DGKB: variants seen among roughly 807,000 people sequenced by gnomAD.
The protein encoded by DGKB is diacylglycerol kinase beta, also known as 90 kDa diacylglycerol kinase.
A neutral mutation model predicts 114.3 loss-of-function variants in DGKB; 67 were observed. The ratio of observed to expected loss-of-function variants is 0.59; its 90% CI spans 0.48 to 0.72. DGKB has a LOEUF of 0.72. Ranked by LOEUF, DGKB falls within the 30% of genes least tolerant of loss-of-function variation. The pLI is 0.00. For synonymous variants in DGKB, 398 were observed against 323.1 expected (o/e 1.23, Z -2.49); for missense variants, 907 against 975.2 (o/e 0.93, Z 0.93).
intron 1 of DGKB, among the ~76,000 whole-genome samples, chr7:14,853,804 C>G (rs1849723921): frequency 7.0e-6 from 1 of 142,634 alleles, no homozygotes; most frequent in Admixed American, 7.7e-5. Context: ...CGAGGCGGAG[C>G]TTGCAGTGAG....
At chr7:14,827,467 A>T (rs1395209514) in intron 2 of DGKB, among the ~76,000 whole-genome samples, 1 of 151,786 alleles carries the variant, frequency 6.6e-6, no homozygotes, top group Non-Finnish European at 1.5e-5. Context: ...AGACAGACTA[A>T]CTACACGGAG....
At chr7:14,958,426 AACAC>A (rs754087921) in intron 1 of DGKB, among the ~76,000 whole-genome samples, 5,672 of 122,786 alleles carry the variant, frequency 0.046, 150 homozygotes, top group East Asian at 0.1. Flanking sequence ...TACCTCTCCC[AACAC>A]ACACACACAC....
At chr7:14,563,114 G>C (rs779425812) in intron 20 of DGKB, among the ~76,000 whole-genome samples, 2 of 152,120 alleles carry the variant, frequency 1.3e-5, no homozygotes, top group African/African-American at 4.8e-5. Context: ...TGCTGTACAC[G>C]CTCTCTTGCC....
At chr7:14,874,590 C>A (rs1202382002) in intron 1 of DGKB, among the ~76,000 whole-genome samples, 1 of 151,072 alleles carries the variant, frequency 6.6e-6, no homozygotes, top group African/African-American at 2.4e-5. Context: ...GAAGGATATA[C>A]ACACACACAC....
chr7:14,247,609 G>A (rs913556834), intron 23 of DGKB, among the ~76,000 whole-genome samples: 2 of 151,992 alleles, frequency 1.3e-5, no homozygotes, highest in African/African-American at 2.4e-5. Flanking sequence ...GTGATGTTGA[G>A]CATTTCTTCG....
chr7:14,733,750 G>GAAAGAAAGAAAGAAAGA (rs1554627742), intron 5 of DGKB, among the ~76,000 whole-genome samples: 4 of 6,584 alleles, frequency 6.1e-4, no homozygotes, highest in Non-Finnish European at 1.2e-3. Context: ...AAGAAATAAA[G>GAAAGAAAGAAAGAAAGA]AAGAAAGAAA....
chr7:14,148,539 A>AT lies in DGKB; in HGVS notation c.*591dup, dbSNP rs1256031566. On this transcript the variant is annotated 3_prime_UTR_variant, in exon 26 of 26. Coordinates refer to ENST00000402815, the MANE Select transcript of DGKB (RefSeq NM_001350709.2). ...CTATTTTTCAGCATGAGAAAACCTT[A>AT]TGCCTGATATTTTTATTTCCACTCA... The AT allele has an allele frequency of 6.6e-6, 1 of 152,506 alleles. No individual in the cohort carries two copies. The highest frequency in any genetic ancestry group is 1.5e-5 in the Non-Finnish European group (1 of 68,068). 9.4% of individuals were successfully genotyped at this position (152,506 alleles called of 1,614,324 possible). A position where few individuals can be genotyped will look rare whatever the true frequency, so the allele number is the denominator to read the frequency against.
intron 21 of DGKB, among the ~76,000 whole-genome samples, chr7:14,378,266 G>A (rs777495835): frequency 2.6e-5 from 4 of 152,072 alleles, no homozygotes; most frequent in Non-Finnish European, 4.4e-5. Context: ...TCTCTTTTGA[G>A]ATCCAGTCAT....
At chr7:14,470,873 G>T (rs531765823) in intron 21 of DGKB, among the ~76,000 whole-genome samples, 1 of 151,406 alleles carries the variant, frequency 6.6e-6, no homozygotes, top group African/African-American at 2.4e-5. Context: ...AATTGCTCTG[G>T]AACTTCAAAA....
intron 1 of DGKB, among the ~76,000 whole-genome samples, chr7:14,921,852 T>C (rs886367809): frequency 1.3e-5 from 2 of 152,176 alleles, no homozygotes; most frequent in African/African-American, 4.8e-5. Flanking sequence ...AGATACAATG[T>C]GATTAAATCT....
intron 1 of DGKB, among the ~76,000 whole-genome samples, chr7:14,896,408 C>T (rs1402582346): frequency 5.3e-5 from 8 of 151,308 alleles, no homozygotes; most frequent in East Asian, 3.9e-4. Flanking sequence ...TGGGGCACAA[C>T]GGTAAGTAAT....
intron 23 of DGKB, among the ~76,000 whole-genome samples, chr7:14,202,763 T>C (rs1786105887): frequency 6.6e-6 from 1 of 152,054 alleles, no homozygotes; most frequent in South Asian, 2.1e-4. Context: ...ACTGATCTGT[T>C]ACTGTAAGAT....
intron 17 of DGKB, among the ~76,000 whole-genome samples, chr7:14,587,402 G>A (rs190441564): frequency 5.9e-5 from 9 of 152,104 alleles, no homozygotes; most frequent in Admixed American, 3.9e-4. Flanking sequence ...AAAAAAAGAG[G>A]GTTTCTTGAA....
intron 2 of DGKB, among the ~76,000 whole-genome samples, chr7:14,777,568 TCTC>T (rs1170476360): frequency 9.2e-5 from 14 of 152,182 alleles, no homozygotes; most frequent in Non-Finnish European, 1.0e-4. Context: ...GCTCTGCACT[TCTC>T]CTTACTGCTG....
chr7:14,909,082 C>T (rs957639234), intron 1 of DGKB, among the ~76,000 whole-genome samples: 15 of 152,062 alleles, frequency 9.9e-5, no homozygotes, highest in Non-Finnish European at 1.3e-4. Flanking sequence ...CATTCTAAGC[C>T]TCAATTAAAT....
chr7:14,853,867 CAAAAAAAAAAAAA>C (rs56269565), intron 1 of DGKB, among the ~76,000 whole-genome samples: 1 of 104,018 alleles, frequency 9.6e-6, no homozygotes. Flanking sequence ...GACTCCGTCT[CAAAAAAAAAAAAA>C]AAAAAAAAAA....
At chr7:14,865,121 T>C (rs1008150226) in intron 1 of DGKB, among the ~76,000 whole-genome samples, 3 of 152,142 alleles carry the variant, frequency 2.0e-5, no homozygotes, top group African/African-American at 7.2e-5. Context: ...AGATGACCCA[T>C]GTAAATGTTA....
chr7:14,826,871 G>T (rs548750878), intron 2 of DGKB, among the ~76,000 whole-genome samples: 1 of 152,224 alleles, frequency 6.6e-6, no homozygotes, highest in East Asian at 1.9e-4. Flanking sequence ...TATGCTCTGA[G>T]TGATGATAAA....
intron 21 of DGKB, among the ~76,000 whole-genome samples, chr7:14,447,989 C>T (rs967672465): frequency 5.3e-5 from 8 of 152,056 alleles, no homozygotes; most frequent in African/African-American, 1.9e-4. Flanking sequence ...CTCTTTAAAA[C>T]ACAATAAATC....
Sources: allele counts gnomAD v4.1 joint callset (sites outside exome capture counted in the v4.1 genomes callset), GRCh38; gene constraint gnomAD v4.1.1; transcripts MANE v1.5; gene names NCBI Gene and HGNC (gene_info 2026-07-23, HGNC 2026-07-21).